The following LRRIQ1 variants were observed in gnomAD, a reference collection of about 807,000 sequenced individuals.
LRRIQ1 encodes the protein leucine-rich repeat- and IQ domain-containing protein 1.
In LRRIQ1, 210 loss-of-function variants were observed where a neutral mutation model predicts 211.9. The ratio of observed to expected loss-of-function variants is 0.99; its 90% CI spans 0.89 to 1.11. The LOEUF is 1.11. Ranked by LOEUF, LRRIQ1 falls within the 50% of genes most tolerant of loss-of-function variation. The pLI, the probability that LRRIQ1 is intolerant of heterozygous loss-of-function variation, is 0.00. For missense variants in LRRIQ1, 2,136 were observed against 1,939.5 expected, an observed-to-expected ratio of 1.10 and a Z score of -1.90; for synonymous variants, 699 against 650.1, an observed-to-expected ratio of 1.08 and a Z score of -1.14.
chr12:85,207,838 A>G (rs1267390668), intron 24 of LRRIQ1, among the ~76,000 whole-genome samples: 3 of 152,070 alleles, frequency 2.0e-5, no homozygotes, highest in Non-Finnish European at 4.4e-5. Context: ...TCAGTTGACT[A>G]TATTTTTGTG....
intron 20 of LRRIQ1, 40 bp downstream of exon 20, chr12:85,152,409 T>A (rs772006293): frequency 6.7e-7 from 1 of 1,499,032 alleles, no homozygotes; most frequent in South Asian, 1.2e-5. Context: ...CGATCTTTGC[T>A]CATTTCTTAA....
intron 23 of LRRIQ1, among the ~76,000 whole-genome samples, chr12:85,159,731 T>C (rs1336783524): frequency 1.4e-5 from 2 of 147,770 alleles, no homozygotes; most frequent in African/African-American, 2.6e-5. Flanking sequence ...CTTTCCTCAT[T>C]GACTAATTGT....
chr12:85,095,003 T>C (rs1885745345), intron 11 of LRRIQ1, among the ~76,000 whole-genome samples: 1 of 152,210 alleles, frequency 6.6e-6, no homozygotes, highest in Admixed American at 6.5e-5. Context: ...ATTTATCAAA[T>C]CGAGGAGCCT....
intron 11 of LRRIQ1, among the ~76,000 whole-genome samples, chr12:85,084,661 C>G (rs1245101887): frequency 6.6e-6 from 1 of 152,114 alleles, no homozygotes; most frequent in Non-Finnish European, 1.5e-5. Context: ...CATGGTGGCT[C>G]ATGCCTGTAA....
At chr12:85,271,335 C>A in the LRRIQ1 span, among the ~76,000 whole-genome samples, 3 of 152,020 alleles carry the variant, frequency 2.0e-5, no homozygotes, top group Non-Finnish European at 4.4e-5. Context: ...GAAAGTTAGT[C>A]TTTTACATGA....
chr12:85,235,649 A>G (rs1054779134), intron 26 of LRRIQ1, among the ~76,000 whole-genome samples: 1 of 152,184 alleles, frequency 6.6e-6, no homozygotes. Context: ...CAGTTTTCTC[A>G]GTGACTATCT....
chr12:85,134,607 A>G (rs553787664), intron 18 of LRRIQ1, among the ~76,000 whole-genome samples: 18 of 152,190 alleles, frequency 1.2e-4, no homozygotes, highest in Admixed American at 1.0e-3. Context: ...CATTTCCATC[A>G]AGAATCGTGG....
intron 23 of LRRIQ1, among the ~76,000 whole-genome samples, chr12:85,155,775 C>T (rs1890509879): frequency 6.6e-6 from 1 of 151,652 alleles, no homozygotes; most frequent in Non-Finnish European, 1.5e-5. Context: ...CCATATGATT[C>T]CGTCTCTGGG....
intron 24 of LRRIQ1, among the ~76,000 whole-genome samples, chr12:85,189,931 ATAAT>A (rs1892413767): frequency 7.0e-6 from 1 of 143,262 alleles, no homozygotes; most frequent in Non-Finnish European, 1.5e-5. Flanking sequence ...AATATAAATA[ATAAT>A]TATATTATTG....
intron 24 of LRRIQ1, among the ~76,000 whole-genome samples, chr12:85,191,163 A>T (rs1051663005): frequency 6.6e-6 from 1 of 151,994 alleles, no homozygotes; most frequent in Non-Finnish European, 1.5e-5. Flanking sequence ...CTATACTGGC[A>T]CATCATTATC....
chr12:85,040,418 A>C (rs183991692), intron 2 of LRRIQ1, 72 bp from the exon 3 acceptor site: 1 of 812,504 alleles, frequency 1.2e-6, no homozygotes, highest in Admixed American at 2.7e-5. Context: ...TGTGGAATGA[A>C]GGGTCCAAAA....
At chr12:85,069,639 G>A (rs920342223) in intron 10 of LRRIQ1, among the ~76,000 whole-genome samples, 4 of 151,940 alleles carry the variant, frequency 2.6e-5, no homozygotes, top group African/African-American at 9.7e-5. Context: ...CATTCTAACT[G>A]GTGTGAGATG....
chr12:85,070,911 T>A (rs1316228463), intron 10 of LRRIQ1, among the ~76,000 whole-genome samples: 1 of 151,998 alleles, frequency 6.6e-6, no homozygotes, highest in Non-Finnish European at 1.5e-5. Flanking sequence ...ATTTACATTT[T>A]TTGTCCTTGC....
At chr12:85,169,787 T>C (rs765620181) in intron 24 of LRRIQ1, among the ~76,000 whole-genome samples, 1 of 152,174 alleles carries the variant, frequency 6.6e-6, no homozygotes, top group Admixed American at 6.5e-5. Context: ...TGCTTACTTA[T>C]ATATTGTGGC....
chr12:85,093,264 G>A (rs958260830), intron 11 of LRRIQ1, among the ~76,000 whole-genome samples: 1 of 152,148 alleles, frequency 6.6e-6, no homozygotes, highest in Non-Finnish European at 1.5e-5. Context: ...CAGCTACCAT[G>A]ACTGGACAGC....
intron 24 of LRRIQ1, among the ~76,000 whole-genome samples, chr12:85,193,853 C>T (rs1892735741): frequency 2.0e-5 from 3 of 148,148 alleles, no homozygotes; most frequent in African/African-American, 2.5e-5. Context: ...GGACTAAATG[C>T]TCCAATTAAA....
chr12:85,072,271 A>G (rs1883166297), intron 10 of LRRIQ1, among the ~76,000 whole-genome samples: 1 of 151,794 alleles, frequency 6.6e-6, no homozygotes, highest in African/African-American at 2.4e-5. Context: ...TTATTGCTTT[A>G]TAGCCAGAGA....
chr12:85,123,930 C>A, intron 16 of LRRIQ1, 140 bp from the exon 17 acceptor site: 1 of 621,174 alleles, frequency 1.6e-6, no homozygotes, highest in Non-Finnish European at 2.7e-6. Context: ...ATATAAACAA[C>A]TAGAAATAAT....
At chr12:85,104,806 G>A (rs1886651387) in intron 14 of LRRIQ1, among the ~76,000 whole-genome samples, 1 of 151,946 alleles carries the variant, frequency 6.6e-6, no homozygotes, top group East Asian at 1.9e-4. Context: ...GGGTAAATGT[G>A]TAAGAGTATA....
Sources: gnomAD v4.1 joint callset for allele counts (sites outside exome capture counted in the v4.1 genomes callset) on GRCh38, gnomAD v4.1.1 for gene constraint, MANE v1.5 for transcripts, NCBI Gene and HGNC (gene_info 2026-07-23, HGNC 2026-07-21) for gene names.